Variants in OTOG observed in about 807,000 individuals in gnomAD.
The protein encoded by OTOG is otogelin.
Under a neutral mutation model 313.8 loss-of-function variants are expected in OTOG, and 296 were observed. The observed-to-expected ratio is 0.94, with a 90% CI of 0.86 to 1.04. OTOG has a LOEUF of 1.04. OTOG is among the 50% of genes least tolerant of loss of function. The pLI is 0.00. For missense variants in OTOG, 3,948 were observed against 3,840.1 expected, an observed-to-expected ratio of 1.03 and a Z score of -0.74; for synonymous variants, 1,533 against 1,554.9, an observed-to-expected ratio of 0.99 and a Z score of 0.33.
At chr11:17,591,697 C>CCCACCTCAGGG in intron 25 of OTOG, 109 bp downstream of exon 25, 3 of 1,378,800 alleles carry the variant, frequency 2.2e-6, no homozygotes, top group Non-Finnish European at 2.0e-6. Context: ...GGATCTAAGC[C>CCCACCTCAGGG]CTGAGGTGGG....
intron 18 of OTOG, among the ~76,000 whole-genome samples, chr11:17,572,558 C>T (rs984800610): frequency 6.6e-6 from 1 of 152,202 alleles, no homozygotes; most frequent in Non-Finnish European, 1.5e-5. Context: ...GCCCTGGCCT[C>T]CTTGTTCTTT....
chr11:17,632,001 T>G, intron 41 of OTOG, 79 bp downstream of exon 41: 1 of 1,541,190 alleles, frequency 6.5e-7, no homozygotes, highest in Non-Finnish European at 8.8e-7. Context: ...CAGAGGCTCA[T>G]TGTTCCTTTT....
At position 17,635,154 on chromosome 11, in the gene OTOG, C is replaced by G. The variant is rs1234417322; in HGVS notation, c.7660C>G (p.Leu2554Val). The G allele has an allele frequency of 1.3e-6, 2 of 1,548,186 alleles. No individual in the cohort carries two copies. Among genetic ancestry groups the G allele is most frequent in the Admixed American group, 2.0e-5 (1 of 50,994 alleles). The change falls in exon 46 of 56, where the codon CTG becomes GTG. Residue 2554 changes from leucine to valine, a missense_variant. Leu to Val is a conservative substitution (Grantham distance 32). Coordinates refer to ENST00000399397, the MANE Select transcript of OTOG (RefSeq NM_001292063.2). ...RQDQILITGRLGDSCCTSYFC... is the reference protein window; with the variant it reads ...RQDQILITGRVGDSCCTSYFC... ...GGACCAGATCCTGATCACGGGCCGC[C>G]TGGGGGACTCCTGCTGCACCTCCTA...
rs1000615556 is a variant in OTOG at position 17,610,494 on chromosome 11, C to T, written c.5194C>T (p.Gln1732Ter). 20 of 1,550,508 alleles carry T rather than the reference C, an allele frequency of 1.3e-5. No homozygotes were observed. The highest frequency in any genetic ancestry group is 5.9e-5 in the Admixed American group (3 of 50,994). The stretch of plus-strand genomic sequence containing the variant: ...AGAGAAGGGCGAAGCCGGGCACAGC[C>T]AGCCCATGGGCTCGCCTGCCTCCCC... ...STEKGEAGHSQPMGSPASPQP... is the reference protein window; with the variant it reads ...STEKGEAGHS The change falls in exon 36 of 56, where the codon CAG becomes TAG. Residue 1732 changes from glutamine (Q) to a stop codon, truncating the protein, a stop_gained. Coordinates refer to ENST00000399397, the MANE Select transcript of OTOG (RefSeq NM_001292063.2). LOFTEE classifies it high-confidence loss of function.
chr11:17,641,936 C>G lies in OTOG; in HGVS notation c.8280C>G (p.Thr2760=), dbSNP rs994145113. The G allele has an allele frequency of 8.4e-6, 13 of 1,550,222 alleles. No homozygotes were observed. The highest frequency in any genetic ancestry group is 1.1e-5 in the Non-Finnish European group (13 of 1,146,866). ...GTCTCTTCACCTTCCCCAATGGCAC[C>G]ACCTCCCTGTTCTTGGTAAGCAGCC... ...VSCLFTFPNG[T]TSLFLPGASW... is the part of the protein sequence containing the mutation. The change falls in exon 52 of 56, where the codon ACC becomes ACG. Residue 2760 remains threonine (T), a synonymous_variant. Coordinates refer to ENST00000399397, the MANE Select transcript of OTOG (RefSeq NM_001292063.2).
At chr11:17,576,764 G>T in intron 21 of OTOG, 104 bp from the exon 22 acceptor site, 1 of 1,474,228 alleles carries the variant, frequency 6.8e-7, no homozygotes, top group East Asian at 2.5e-5. Context: ...AAGTGAGTGA[G>T]GGTGTCTTTC....
chr11:17,626,976 C>G lies in OTOG; in HGVS notation c.6529-2157C>G, dbSNP rs1353602251. Among the ~76,000 whole-genome samples the G allele has an allele frequency of 1.3e-5, 2 of 152,178 alleles. 1 individual carries two copies. The highest frequency in any genetic ancestry group is 1.3e-4 in the Admixed American group (2 of 15,268). Reference sequence around the variant, plus strand: ...TTTTCTATGTTGATTTTGTAATCTGCAACTTTACTGAATTTTAAAATCAGT... The same window carrying G: ...TTTTCTATGTTGATTTTGTAATCTGGAACTTTACTGAATTTTAAAATCAGT... On this transcript the variant is annotated intron_variant, in intron 39 of 55. Coordinates refer to ENST00000399397, the MANE Select transcript of OTOG (RefSeq NM_001292063.2).
chr11:17,596,110 T>G lies in OTOG; in HGVS notation c.3481T>G (p.Cys1161Gly), dbSNP rs1460595980. The G allele has an allele frequency of 1.3e-6, 2 of 1,550,350 alleles. No homozygotes were observed. Among genetic ancestry groups the G allele is most frequent in the South Asian group, 2.4e-5 (2 of 84,010 alleles). Reference protein sequence around the residue: ...PLREPFAKKECSILLSEVFEI... With the variant: ...PLREPFAKKEGSILLSEVFEI... ...CCGAGAACCATTTGCCAAGAAGGAG[T>G]GCAGCATCCTGCTCAGTGAGGTGTT... Residue 1161 changes from cysteine (C) to glycine (G), a missense_variant, in exon 29 of 56, where the codon TGC becomes GGC. Cys to Gly is a radical substitution (Grantham distance 159). Transcript: ENST00000399397.
At position 17,632,222 on chromosome 11, in the gene OTOG, C is replaced by A. The variant is rs1278767216; in HGVS notation, c.7068C>A (p.Tyr2356Ter). ...HVCIEWRRSD[Y>*]CPFLCSSDST... ...GCATCGAGTGGCGGCGCTCTGACTACTGCCGTGAGTTTGCGGGGCAGGGGG... is the reference window on the plus strand; with the variant it reads ...GCATCGAGTGGCGGCGCTCTGACTAATGCCGTGAGTTTGCGGGGCAGGGGG... Residue 2356 changes from tyrosine (Y) to a stop codon, truncating the protein, a stop_gained, in exon 42 of 56, where the codon TAC becomes TAA. Coordinates refer to ENST00000399397, the MANE Select transcript of OTOG (RefSeq NM_001292063.2). LOFTEE classifies it high-confidence loss of function. 1 of 1,549,820 alleles carries A rather than the reference C, an allele frequency of 6.5e-7. No homozygotes were observed. Among genetic ancestry groups the A allele is most frequent in the Non-Finnish European group, 8.7e-7 (1 of 1,146,128 alleles).
At chr11:17,559,908 G>GA (rs1554968729) in intron 12 of OTOG, among the ~76,000 whole-genome samples, 3 of 91,974 alleles carry the variant, frequency 3.3e-5, no homozygotes, top group African/African-American at 9.0e-5. Context: ...GAGGGAGGAA[G>GA]GAAGGAAAGA....
chr11:17,618,066 AT>A (rs549539950), intron 39 of OTOG, among the ~76,000 whole-genome samples: 1 of 151,326 alleles, frequency 6.6e-6, no homozygotes, highest in African/African-American at 2.4e-5. Context: ...GCACCAGCCA[AT>A]TTTTTTTGTA....
intron 20 of OTOG, among the ~76,000 whole-genome samples, chr11:17,575,591 G>T (rs775464960): frequency 8.5e-5 from 13 of 152,202 alleles, no homozygotes; most frequent in African/African-American, 1.2e-4. Flanking sequence ...TGATCTTGGG[G>T]CGACTGGCAA....
chr11:17,557,961 G>A (rs995369010), intron 8 of OTOG, among the ~76,000 whole-genome samples: 1 of 152,254 alleles, frequency 6.6e-6, no homozygotes, highest in Middle Eastern at 3.4e-3. Context: ...GGAGCCATAG[G>A]GAGCTACTAC....
intron 39 of OTOG, among the ~76,000 whole-genome samples, chr11:17,614,584 C>G (rs976755145): frequency 1.9e-4 from 29 of 152,156 alleles, no homozygotes; most frequent in African/African-American, 6.0e-4. Flanking sequence ...TACCTCCTGC[C>G]TCTTCATTGT....
intron 14 of OTOG, 66 bp from the exon 15 acceptor site, chr11:17,561,596 G>A (rs937089221): frequency 1.3e-5 from 20 of 1,514,812 alleles, no homozygotes; most frequent in Non-Finnish European, 1.7e-5. Flanking sequence ...CTCATACTTG[G>A]AGCTTGCAGG....
chr11:17,597,404 T>A (rs1853139041), intron 30 of OTOG, among the ~76,000 whole-genome samples: 1 of 152,166 alleles, frequency 6.6e-6, no homozygotes, highest in Non-Finnish European at 1.5e-5. Context: ...TCAATTTTCT[T>A]GTGTGAGAAG....
intron 36 of OTOG, 73 bp from the exon 37 acceptor site, chr11:17,612,089 G>C (rs77217986): frequency 1.2e-5 from 18 of 1,510,240 alleles, no homozygotes; most frequent in Non-Finnish European, 1.6e-5. Context: ...GGAAGGATCT[G>C]GTGCCATCAC....
At chr11:17,626,942 G>A (rs962093940) in intron 39 of OTOG, among the ~76,000 whole-genome samples, 2 of 152,180 alleles carry the variant, frequency 1.3e-5, no homozygotes, top group Non-Finnish European at 2.9e-5. Flanking sequence ...ATATAGAAAT[G>A]CTACTGATTT....
chr11:17,633,262 A>G (rs190250244), intron 42 of OTOG, among the ~76,000 whole-genome samples: 20 of 152,358 alleles, frequency 1.3e-4, no homozygotes, highest in Non-Finnish European at 2.4e-4. Flanking sequence ...TACAATCAAG[A>G]AAGTTTGAAA....
Sources: gnomAD v4.1 joint callset for allele counts (sites outside exome capture counted in the v4.1 genomes callset) on GRCh38, gnomAD v4.1.1 for gene constraint, MANE v1.5 for transcripts, NCBI Gene and HGNC (gene_info 2026-07-23, HGNC 2026-07-21) for gene names.